LDB2: variants seen among roughly 807,000 people sequenced by gnomAD.
LDB2 encodes the protein LIM domain-binding protein 2.
In LDB2, 12 loss-of-function variants were observed where a neutral mutation model predicts 44.3. The observed-to-expected ratio is 0.27, with a 90% CI of 0.17 to 0.44. LDB2 has a LOEUF of 0.44. Among genes scored for constraint, LDB2 ranks in the 20% least tolerant of loss-of-function variants. LDB2 has a pLI of 1.00. For missense variants in LDB2, 344 were observed against 473.5 expected (o/e 0.73, Z 2.54); for synonymous variants, 164 against 174.8 (o/e 0.94, Z 0.49).
intron 5 of LDB2, among the ~76,000 whole-genome samples, chr4:16,572,542 T>C (rs1045258711): frequency 2.0e-5 from 3 of 152,134 alleles, no homozygotes; most frequent in Admixed American, 6.5e-5. Context: ...GAAATACTGT[T>C]TTTGTTTATT....
intron 2 of LDB2, among the ~76,000 whole-genome samples, chr4:16,677,965 C>T (rs553061327): frequency 6.6e-6 from 1 of 152,316 alleles, no homozygotes; most frequent in Admixed American, 6.5e-5. Flanking sequence ...TGAGAGACAC[C>T]TAAGTGTGTA....
At chr4:16,861,959 T>C (rs1020844476) in intron 1 of LDB2, among the ~76,000 whole-genome samples, 3 of 152,234 alleles carry the variant, frequency 2.0e-5, no homozygotes, top group Admixed American at 2.0e-4. Context: ...GCCCCAGCCC[T>C]TGACCTCAGT....
At position 16,866,755 on chromosome 4, in the gene LDB2, G is replaced by T. The variant is rs895790869; in HGVS notation, c.132+31599C>A. The stretch of plus-strand genomic sequence containing the variant: ...ACAAAAACGTCCTGTCTTGGTAACA[G>T]CACCAAGACTATTATCTCATTCCCT... On this transcript the variant is annotated intron_variant, in intron 1 of 7. Transcript: ENST00000304523. Among the ~76,000 whole-genome samples, 5 of 152,196 alleles carry T rather than the reference G, an allele frequency of 3.3e-5. No homozygotes were observed. In the East Asian group the frequency reaches 7.7e-4, roughly 23 times the overall value.
chr4:16,640,713 C>T (rs1274915052), intron 2 of LDB2, among the ~76,000 whole-genome samples: 1 of 152,102 alleles, frequency 6.6e-6, no homozygotes, highest in African/African-American at 2.4e-5. Flanking sequence ...AGTGACTTGG[C>T]CCAGGTTTCA....
At chr4:16,765,416 T>A (rs1768984943) in intron 1 of LDB2, among the ~76,000 whole-genome samples, 1 of 152,234 alleles carries the variant, frequency 6.6e-6, no homozygotes, top group Non-Finnish European at 1.5e-5. Context: ...ATGCAGTTTG[T>A]GGACCCCTCT....
chr4:16,763,263 A>T (rs1181051822), intron 1 of LDB2, among the ~76,000 whole-genome samples: 1 of 152,228 alleles, frequency 6.6e-6, no homozygotes, highest in Non-Finnish European at 1.5e-5. Flanking sequence ...AGATGGATGG[A>T]ATAAATTTCT....
At chr4:16,580,051 T>C (rs1222532340) in intron 5 of LDB2, among the ~76,000 whole-genome samples, 1 of 152,124 alleles carries the variant, frequency 6.6e-6, no homozygotes, top group Non-Finnish European at 1.5e-5. Context: ...TGAGGAGGAT[T>C]TAGCCTGGGA....
chr4:16,837,493 C>CTCTATTGAATGTTCAGAG (rs1785082932), intron 1 of LDB2, among the ~76,000 whole-genome samples: 1 of 152,160 alleles, frequency 6.6e-6, no homozygotes, highest in Admixed American at 6.5e-5. Context: ...ACATAACTTG[C>CTCTATTGAATGTTCAGAG]TCTATTGAAT....
intron 1 of LDB2, among the ~76,000 whole-genome samples, chr4:16,878,645 C>A (rs1199421853): frequency 6.6e-6 from 1 of 152,188 alleles, no homozygotes; most frequent in Admixed American, 6.5e-5. Context: ...AAGCCAAAAC[C>A]CTTAACATCC....
At chr4:16,571,653 T>C (rs1746572112) in intron 5 of LDB2, among the ~76,000 whole-genome samples, 1 of 152,182 alleles carries the variant, frequency 6.6e-6, no homozygotes, top group South Asian at 2.1e-4. Flanking sequence ...CAGTTTCTTT[T>C]TCTGTAAAAC....
intron 2 of LDB2, among the ~76,000 whole-genome samples, chr4:16,705,081 TATTA>T (rs1363883534): frequency 6.6e-6 from 1 of 152,198 alleles, no homozygotes; most frequent in Non-Finnish European, 1.5e-5. Context: ...TGATTTCTGT[TATTA>T]ATTATGAAAT....
At chr4:16,576,820 G>T (rs1362461297) in intron 5 of LDB2, among the ~76,000 whole-genome samples, 1 of 152,092 alleles carries the variant, frequency 6.6e-6, no homozygotes, top group Non-Finnish European at 1.5e-5. Context: ...AAATATTGAT[G>T]CAAAAATCCT....
intron 4 of LDB2, among the ~76,000 whole-genome samples, chr4:16,587,291 C>A (rs1717336708): frequency 6.6e-6 from 1 of 152,192 alleles, no homozygotes; most frequent in Non-Finnish European, 1.5e-5. Flanking sequence ...GCTTTACAGT[C>A]ATTAACTCTT....
At chr4:16,504,659 A>C (rs1012145531) in intron 7 of LDB2, among the ~76,000 whole-genome samples, 2 of 152,212 alleles carry the variant, frequency 1.3e-5, no homozygotes, top group African/African-American at 4.8e-5. Flanking sequence ...AGAAAGGATG[A>C]CAGGATTTTA....
chr4:16,845,167 T>A (rs1275394105), intron 1 of LDB2, among the ~76,000 whole-genome samples: 1 of 152,196 alleles, frequency 6.6e-6, no homozygotes, highest in Non-Finnish European at 1.5e-5. Context: ...TGTTCTGTGG[T>A]CCCTGAAGCT....
rs1216620544 is a variant in LDB2, at chr4:16,866,604, C to G, written c.132+31750G>C. Among the ~76,000 whole-genome samples the G allele has an allele frequency of 2.6e-5, 4 of 152,226 alleles. No homozygotes were observed. In the South Asian group the frequency reaches 8.3e-4, roughly 32 times the overall value. The stretch of plus-strand genomic sequence containing the variant: ...AAAGACAGGGTGAAAAGAAGTTGGA[C>G]TCCAGGCCGGTGCTTTTCCCAATGC... On this transcript the variant is annotated intron_variant, in intron 1 of 7. Transcript: ENST00000304523.
chr4:16,742,582 A>C (rs536864085), intron 2 of LDB2, among the ~76,000 whole-genome samples: 1 of 152,294 alleles, frequency 6.6e-6, no homozygotes, highest in African/African-American at 2.4e-5. Flanking sequence ...AAGGTCCTGA[A>C]GGGTGACTAT....
intron 1 of LDB2, among the ~76,000 whole-genome samples, chr4:16,880,609 C>T (rs1351965807): frequency 6.6e-6 from 1 of 152,122 alleles, no homozygotes; most frequent in African/African-American, 2.4e-5. Context: ...TTCATTCAAG[C>T]ACTATTTAGA....
chr4:16,636,975 G>C (rs1179203732), intron 2 of LDB2, among the ~76,000 whole-genome samples: 1 of 152,112 alleles, frequency 6.6e-6, no homozygotes, highest in Non-Finnish European at 1.5e-5. Flanking sequence ...TTTCCAGATA[G>C]GACTCCAGTT....
Sources: allele counts gnomAD v4.1 joint callset (sites outside exome capture counted in the v4.1 genomes callset), GRCh38; gene constraint gnomAD v4.1.1; transcripts MANE v1.5; gene names NCBI Gene and HGNC (gene_info 2026-07-23, HGNC 2026-07-21).